Variants in SLC24A3 observed in about 807,000 individuals in gnomAD.
SLC24A3 encodes solute carrier family 24 member 3.
A neutral mutation model predicts 75.8 loss-of-function variants in SLC24A3; 28 were observed. The ratio of observed to expected loss-of-function variants is 0.37; its 90% CI spans 0.27 to 0.51. The LOEUF is 0.51. Among genes scored for constraint, SLC24A3 ranks in the 20% least tolerant of loss-of-function variants. The probability of loss-of-function intolerance (pLI) is 0.94; values close to 1 mark genes in which losing one functional copy is unlikely to be tolerated. For missense variants in SLC24A3, 663 were observed against 847.8 expected (o/e 0.78, Z 2.71); for synonymous variants, 372 against 334.1 (o/e 1.11, Z -1.24).
At chr20:19,450,685 A>G (rs1312319796) in intron 2 of SLC24A3, among the ~76,000 whole-genome samples, 2 of 152,158 alleles carry the variant, frequency 1.3e-5, no homozygotes, top group African/African-American at 2.4e-5. Flanking sequence ...TAGTGAATAG[A>G]TGATACCTTG....
chr20:19,265,558 G>C (rs1448593836), intron 1 of SLC24A3, among the ~76,000 whole-genome samples: 1 of 152,168 alleles, frequency 6.6e-6, no homozygotes, highest in Non-Finnish European at 1.5e-5. Context: ...TCAGCTATGA[G>C]CTTCTCAGGT....
At chr20:19,239,461 C>T (rs1031084005) in intron 1 of SLC24A3, among the ~76,000 whole-genome samples, 2 of 152,270 alleles carry the variant, frequency 1.3e-5, no homozygotes, top group East Asian at 1.9e-4. Flanking sequence ...AGGACCTGCA[C>T]GGGCAACTGG....
chr20:19,503,469 A>G (rs1167961549), intron 2 of SLC24A3, among the ~76,000 whole-genome samples: 2 of 152,242 alleles, frequency 1.3e-5, no homozygotes, highest in Non-Finnish European at 2.9e-5. Context: ...ACAAAAAATA[A>G]TCAAGTTCTA....
At chr20:19,525,150 G>A (rs2030175622) in intron 3 of SLC24A3, among the ~76,000 whole-genome samples, 1 of 152,118 alleles carries the variant, frequency 6.6e-6, no homozygotes, top group Non-Finnish European at 1.5e-5. Context: ...CCCTTATATA[G>A]TAGAGACTCC....
At chr20:19,506,374 C>T (rs1403324915) in intron 2 of SLC24A3, among the ~76,000 whole-genome samples, 1 of 152,162 alleles carries the variant, frequency 6.6e-6, no homozygotes, top group Non-Finnish European at 1.5e-5. Flanking sequence ...TTCATTCACA[C>T]ATCAATCCAT....
At chr20:19,619,848 G>A (rs181334723) in intron 6 of SLC24A3, among the ~76,000 whole-genome samples, 51 of 152,334 alleles carry the variant, frequency 3.3e-4, no homozygotes, top group African/African-American at 1.1e-3. Context: ...TGAGATGGCC[G>A]TGCGGGTAAA....
chr20:19,333,616 C>T (rs1357343711), intron 2 of SLC24A3, among the ~76,000 whole-genome samples: 1 of 149,550 alleles, frequency 6.7e-6, no homozygotes, highest in African/African-American at 2.5e-5. Context: ...TGAGTCCAGT[C>T]TTGCTAGTGT....
chr20:19,258,129 C>T (rs1258681576), intron 1 of SLC24A3, among the ~76,000 whole-genome samples: 1 of 152,208 alleles, frequency 6.6e-6, no homozygotes, highest in Non-Finnish European at 1.5e-5. Context: ...CCTCCCTTTT[C>T]ACCTGTTTTC....
chr20:19,655,792 C>T (rs187979636), intron 7 of SLC24A3, among the ~76,000 whole-genome samples: 1 of 152,282 alleles, frequency 6.6e-6, no homozygotes, highest in African/African-American at 2.4e-5. Context: ...TTCCCTGGTT[C>T]TCAGGCCTTC....
intron 6 of SLC24A3, among the ~76,000 whole-genome samples, chr20:19,617,446 G>A (rs1457942847): frequency 2.0e-5 from 3 of 152,208 alleles, no homozygotes; most frequent in East Asian, 1.9e-4. Context: ...AGTGAGGAAG[G>A]GAGCAACACC....
Position 19,470,525 on chromosome 20 carries a change from C to A in SLC24A3, c.272-44963C>A, listed in dbSNP as rs547282133. On this transcript the variant is annotated intron_variant, in intron 2 of 16. Transcript: ENST00000328041. ...TCTGGGGAATGGTCACTCAGATGCA[C>A]AGCATTAAGTCTGTACGCTGAACTT... Among the ~76,000 whole-genome samples, 43 of 152,284 alleles carry A rather than the reference C, an allele frequency of 2.8e-4. No homozygotes were observed. The Middle Eastern group carries it at 0.014, about 48-fold the overall frequency.
intron 2 of SLC24A3, among the ~76,000 whole-genome samples, chr20:19,506,379 A>G (rs1568637574): frequency 1.3e-5 from 2 of 152,160 alleles, no homozygotes; most frequent in Non-Finnish European, 2.9e-5. Context: ...TCACACATCA[A>G]TCCATTTGAA....
chr20:19,598,220 C>T (rs74535209), intron 6 of SLC24A3, among the ~76,000 whole-genome samples: 4,320 of 152,196 alleles, frequency 0.028, 182 homozygotes, highest in African/African-American at 0.099. Context: ...TTGTGGCCTC[C>T]TGCTGCAGCT....
Position 19,603,729 on chromosome 20 carries a change from G to A in SLC24A3, c.612+18185G>A, listed in dbSNP as rs75749696. ...AATTCATTGTTCATTTTGGAACTAA[G>A]TGTGCTGTCTGTTGCTGGCCTTGGA... On this transcript the variant is annotated intron_variant, in intron 6 of 16. Coordinates refer to ENST00000328041, the MANE Select transcript of SLC24A3 (RefSeq NM_020689.4). 6.3e-3 allele frequency among the ~76,000 whole-genome samples: 953 copies of A among 152,172 alleles called. 10 individuals are homozygous for A. Among genetic ancestry groups the A allele is most frequent in the African/African-American group, 0.022 (911 of 41,508 alleles).
chr20:19,624,487 G>C (rs2031843494), intron 6 of SLC24A3, among the ~76,000 whole-genome samples: 1 of 152,118 alleles, frequency 6.6e-6, no homozygotes, highest in African/African-American at 2.4e-5. Context: ...TTTCATTCTG[G>C]GGCCCAGGAC....
chr20:19,680,601 A>G (rs2032602572), intron 9 of SLC24A3, among the ~76,000 whole-genome samples: 1 of 152,246 alleles, frequency 6.6e-6, no homozygotes, highest in South Asian at 2.1e-4. Context: ...CTTATGAACT[A>G]CAAATGACAC....
At chr20:19,253,511 T>C (rs539477237) in intron 1 of SLC24A3, among the ~76,000 whole-genome samples, 1 of 152,202 alleles carries the variant, frequency 6.6e-6, no homozygotes, top group Non-Finnish European at 1.5e-5. Flanking sequence ...CTTCTCGGAT[T>C]GTTTCCTGGT....
chr20:19,330,611 G>T (rs972646284), intron 2 of SLC24A3, among the ~76,000 whole-genome samples: 3 of 152,188 alleles, frequency 2.0e-5, no homozygotes, highest in Admixed American at 6.5e-5. Context: ...GAGGGCTCTT[G>T]CTTTCAGTAG....
intron 3 of SLC24A3, among the ~76,000 whole-genome samples, chr20:19,524,410 TG>T: frequency 6.6e-6 from 1 of 152,322 alleles, no homozygotes; most frequent in South Asian, 2.1e-4. Flanking sequence ...GTCTTGAGGC[TG>T]GGCAAGATAG....
Sources: gnomAD v4.1 joint callset for allele counts (sites outside exome capture counted in the v4.1 genomes callset) on GRCh38, gnomAD v4.1.1 for gene constraint, MANE v1.5 for transcripts, NCBI Gene and HGNC (gene_info 2026-07-23, HGNC 2026-07-21) for gene names.